The following CAPN9 variants were observed in gnomAD, a reference collection of about 807,000 sequenced individuals.
CAPN9 encodes the protein calpain 9.
In CAPN9, 81 loss-of-function variants were observed where a neutral mutation model predicts 92.8. The observed-to-expected ratio is 0.87, with a 90% CI of 0.73 to 1.05. The LOEUF (loss-of-function observed/expected upper bound fraction) is 1.05, where lower values mean the gene tolerates loss of function less well. CAPN9 is among the 50% of genes least tolerant of loss of function. The probability of loss-of-function intolerance (pLI) is 0.00; values close to 1 mark genes in which losing one functional copy is unlikely to be tolerated. For missense variants in CAPN9, 848 were observed against 866.2 expected, an observed-to-expected ratio of 0.98 and a Z score of 0.26; for synonymous variants, 304 against 328.0, an observed-to-expected ratio of 0.93 and a Z score of 0.79.
chr1:230,780,295 T>C lies in CAPN9; in HGVS notation c.1231T>C (p.Phe411Leu), dbSNP rs367743072. 138 of 1,613,966 alleles carry C rather than the reference T, an allele frequency of 8.6e-5. No individual in the cohort carries two copies. The highest frequency in any genetic ancestry group is 1.3e-4 in the South Asian group (12 of 91,072). ...GAAAGATAGAAGGAAACTCAAGAGA[T>C]TTGGTGCCAATGTGCTGACAATCGG... ...MQKDRRKLKR[F>L]GANVLTIGYA... Residue 411 changes from phenylalanine (F) to leucine (L), a missense_variant, in exon 10 of 20, where the codon TTT becomes CTT. Transcript: ENST00000271971.
chr1:230,769,147 G>T (rs778382073), intron 5 of CAPN9, 33 bp from the exon 6 acceptor site: 2 of 1,567,586 alleles, frequency 1.3e-6, no homozygotes, highest in Non-Finnish European at 8.8e-7. Context: ...TGACTTAGAC[G>T]GTGGGTGTGA....
chr1:230,760,160 C>T (rs1665542012), intron 3 of CAPN9, among the ~76,000 whole-genome samples: 1 of 151,950 alleles, frequency 6.6e-6, no homozygotes, highest in African/African-American at 2.4e-5. Context: ...TTTCCTGCTG[C>T]TTCACCTCAC....
intron 1 of CAPN9, among the ~76,000 whole-genome samples, chr1:230,751,984 CTG>C (rs1664876027): frequency 6.6e-6 from 1 of 152,176 alleles, no homozygotes; most frequent in Non-Finnish European, 1.5e-5. Flanking sequence ...TATCACAGGA[CTG>C]TAGCTTCAGG....
intron 17 of CAPN9, among the ~76,000 whole-genome samples, chr1:230,793,853 G>A (rs988415697): frequency 1.3e-5 from 2 of 152,210 alleles, no homozygotes; most frequent in Non-Finnish European, 2.9e-5. Context: ...TCCATGGTAG[G>A]AGGAGGAACT....
At chr1:230,790,843 C>T (rs1293572825) in intron 14 of CAPN9, among the ~76,000 whole-genome samples, 9 of 152,128 alleles carry the variant, frequency 5.9e-5, no homozygotes, top group Admixed American at 5.9e-4. Flanking sequence ...CCCAGCTGCT[C>T]GGGAAGCTGT....
chr1:230,766,414 C>T (rs985690751), intron 4 of CAPN9, among the ~76,000 whole-genome samples: 1 of 152,168 alleles, frequency 6.6e-6, no homozygotes, highest in South Asian at 2.1e-4. Context: ...TACTTATCAC[C>T]TCAAGCATTT....
At chr1:230,761,072 C>A (rs575206119) in intron 3 of CAPN9, among the ~76,000 whole-genome samples, 1 of 152,250 alleles carries the variant, frequency 6.6e-6, no homozygotes, top group African/African-American at 2.4e-5. Flanking sequence ...CAATAAGTAG[C>A]CAAGCCAGAC....
chr1:230,761,165 T>A (rs1665608633), intron 3 of CAPN9, among the ~76,000 whole-genome samples: 1 of 152,148 alleles, frequency 6.6e-6, no homozygotes, highest in African/African-American at 2.4e-5. Context: ...TGTTGATGCC[T>A]GTCAGTCCCG....
At position 230,780,162 on chromosome 1, in the gene CAPN9, C is replaced by T. The variant is rs1389104686; in HGVS notation, c.1115-17C>T. 6.5e-7 allele frequency: 1 copy of T among 1,534,054 alleles called. No individual in the cohort carries two copies. The stretch of plus-strand genomic sequence containing the variant: ...TTTTTTAAAAGGGGAAAATAATCTA[C>T]CTCTCCCAAATGACAGATACCTTTT... On this transcript the variant is annotated splice_polypyrimidine_tract_variant and intron_variant, in intron 9 of 19. Coordinates refer to ENST00000271971, the MANE Select transcript of CAPN9 (RefSeq NM_006615.3).
chr1:230,792,516 T>C (rs1281028371), intron 16 of CAPN9, 22 bp downstream of exon 16: 3 of 1,601,492 alleles, frequency 1.9e-6, no homozygotes, highest in African/African-American at 1.3e-5. Flanking sequence ...GGAGCAGGGC[T>C]TGGCCTCTGG....
At chr1:230,754,139 A>G (rs1263852196) in intron 1 of CAPN9, among the ~76,000 whole-genome samples, 2 of 141,730 alleles carry the variant, frequency 1.4e-5, no homozygotes, top group East Asian at 4.6e-4. Context: ...GAGGCTGGGA[A>G]GGGGCGGGGC....
rs188133385 is a variant in CAPN9, at chr1:230,761,230, G to A, written c.403-1423G>A. Among the ~76,000 whole-genome samples the A allele has an allele frequency of 1.2e-3, 185 of 152,168 alleles. 3 individuals are homozygous for A. The highest frequency in any genetic ancestry group is 4.3e-3 in the African/African-American group (178 of 41,528). On this transcript the variant is annotated intron_variant, in intron 3 of 19. Coordinates refer to ENST00000271971, the MANE Select transcript of CAPN9 (RefSeq NM_006615.3). ...TTGGCCTTCTAGGAAGCAGAGCTTT[G>A]GAAATAAATCCACCTCCTTCACACT...
chr1:230,777,622 G>A (rs929994940), intron 8 of CAPN9, among the ~76,000 whole-genome samples: 2 of 151,722 alleles, frequency 1.3e-5, no homozygotes, highest in African/African-American at 2.4e-5. Context: ...CAGCAAGCCC[G>A]CCAGTTCCTC....
chr1:230,790,021 A>T, intron 13 of CAPN9, 111 bp from the exon 14 acceptor site: 1 of 808,682 alleles, frequency 1.2e-6, no homozygotes, highest in Non-Finnish European at 2.0e-6. Context: ...AGGGTCCTGA[A>T]GGCTGGTCTG....
At chr1:230,759,995 G>A (rs979495754) in intron 3 of CAPN9, among the ~76,000 whole-genome samples, 7 of 152,164 alleles carry the variant, frequency 4.6e-5, no homozygotes, top group Non-Finnish European at 8.8e-5. Context: ...AAACAGAGAG[G>A]TTCTCTTTAT....
chr1:230,779,116 G>T lies in CAPN9; in HGVS notation c.1097G>T (p.Gly366Val). 3 of 1,612,386 alleles carry T rather than the reference G, an allele frequency of 1.9e-6. No homozygotes were observed. The highest frequency in any genetic ancestry group is 1.7e-6 in the Non-Finnish European group (2 of 1,179,848). The change falls in exon 9 of 20, where the codon GGC becomes GTC. Residue 366 changes from glycine (G) to valine (V), a missense_variant. Physicochemically the swap from Gly to Val is moderately radical, Grantham distance 109. Transcript: ENST00000271971. ...TGGGTTCGCGGCTCCACGGCTGGGG[G>T]CTGCCGCAATTTCCTGGGTAGGTAG... ...GSWVRGSTAG[G>V]CRNFLDTFWT...
intron 16 of CAPN9, 120 bp downstream of exon 16, chr1:230,792,614 G>T: frequency 1.2e-6 from 1 of 846,920 alleles, no homozygotes; most frequent in Non-Finnish European, 2.0e-6. Flanking sequence ...TCGGACAGGG[G>T]AGAAGGGAAA....
chr1:230,785,743 T>C (rs1667536267), intron 11 of CAPN9, among the ~76,000 whole-genome samples: 1 of 152,236 alleles, frequency 6.6e-6, no homozygotes, highest in South Asian at 2.1e-4. Context: ...TCTATAGCCA[T>C]GCAAGAATGG....
chr1:230,796,217 C>T lies in CAPN9; in HGVS notation c.1987+938C>T, dbSNP rs928688876. Among the ~76,000 whole-genome samples the T allele has an allele frequency of 3.3e-5, 5 of 151,518 alleles. No homozygotes were observed. In the East Asian group the frequency reaches 5.8e-4, roughly 18 times the overall value. ...GTATGCACCTGTAATCCCAGCTACTCGGGAGGCTGAGGCAGGAGAACCCCT... is the reference window on the plus strand; with the variant it reads ...GTATGCACCTGTAATCCCAGCTACTTGGGAGGCTGAGGCAGGAGAACCCCT... On this transcript the variant is annotated intron_variant, in intron 18 of 19. Coordinates refer to ENST00000271971, the MANE Select transcript of CAPN9 (RefSeq NM_006615.3).
Sources: gnomAD v4.1 joint callset for allele counts (sites outside exome capture counted in the v4.1 genomes callset) on GRCh38, gnomAD v4.1.1 for gene constraint, MANE v1.5 for transcripts, NCBI Gene and HGNC (gene_info 2026-07-23, HGNC 2026-07-21) for gene names.